The following TMEM114 variants were observed in gnomAD, a reference collection of about 807,000 sequenced individuals.
TMEM114 encodes claudin-26.
Under a neutral mutation model 6.2 loss-of-function variants are expected in TMEM114, and 6 were observed. The observed-to-expected ratio is 0.97, with a 90% CI of 0.53 to 1.91. The LOEUF (loss-of-function observed/expected upper bound fraction) is 1.91, where lower values mean the gene tolerates loss of function less well. TMEM114 is among the 40% of genes most tolerant of loss of function. The probability of loss-of-function intolerance (pLI) is 0.01; values close to 1 mark genes in which losing one functional copy is unlikely to be tolerated. For synonymous variants in TMEM114, 104 were observed against 73.0 expected (o/e 1.42, Z -2.16); for missense variants, 218 against 158.3 (o/e 1.38, Z -2.02).
intron 2 of TMEM114, among the ~76,000 whole-genome samples, chr16:8,563,765 A>ATAAG (rs1555463800): frequency 7.0e-6 from 1 of 143,772 alleles, no homozygotes; most frequent in African/African-American, 2.7e-5. Flanking sequence ...AAGTGAGGGA[A>ATAAG]TGAGTGAGTG....
chr16:8,550,408 C>T (rs193050033), intron 2 of TMEM114, among the ~76,000 whole-genome samples: 4 of 152,196 alleles, frequency 2.6e-5, no homozygotes, highest in Non-Finnish European at 5.9e-5. Flanking sequence ...TGGCCGGGTG[C>T]GGTGGCTCAC....
At chr16:8,581,599 G>T (rs537377104) in intron 2 of TMEM114, among the ~76,000 whole-genome samples, 6 of 152,106 alleles carry the variant, frequency 3.9e-5, no homozygotes, top group Non-Finnish European at 5.9e-5. Flanking sequence ...GACTACAGGC[G>T]CATGCCACCA....
At chr16:8,551,531 C>T (rs898086255) in intron 2 of TMEM114, among the ~76,000 whole-genome samples, 8 of 152,200 alleles carry the variant, frequency 5.3e-5, no homozygotes, top group Non-Finnish European at 1.2e-4. Context: ...TGGCCCCAAA[C>T]TCAACTTCCT....
At chr16:8,534,806 G>C (rs74007833), downstream of TMEM114, among the ~76,000 whole-genome samples, 25 of 152,344 alleles carry the variant, frequency 1.6e-4, no homozygotes, top group African/African-American at 6.0e-4. Context: ...TGTACTCCTA[G>C]ATACTGGCTG....
chr16:8,553,109 C>T (rs996258728), intron 2 of TMEM114, among the ~76,000 whole-genome samples: 1 of 152,214 alleles, frequency 6.6e-6, no homozygotes, highest in African/African-American at 2.4e-5. Context: ...GGCGAAGAGG[C>T]CAGGATGGAG....
chr16:8,570,966 C>A (rs4984994), intron 3 of TMEM114, among the ~76,000 whole-genome samples: 9 of 152,084 alleles, frequency 5.9e-5, no homozygotes, highest in Non-Finnish European at 1.3e-4. Flanking sequence ...GTGCTGGTTT[C>A]GAGAATTTGT....
chr16:8,532,289 C>G, the TMEM114 span, among the ~76,000 whole-genome samples: 1 of 152,176 alleles, frequency 6.6e-6, no homozygotes, highest in African/African-American at 2.4e-5. Context: ...TTAATTTTCA[C>G]TCTGCCTCTA....
intron 2 of TMEM114, among the ~76,000 whole-genome samples, chr16:8,543,566 G>A (rs1284181434): frequency 4.6e-5 from 7 of 151,960 alleles, no homozygotes; most frequent in South Asian, 2.1e-4. Context: ...AACATCATCT[G>A]GCCAACCCAA....
At chr16:8,570,781 G>C (rs1007792564) in intron 3 of TMEM114, among the ~76,000 whole-genome samples, 2 of 152,118 alleles carry the variant, frequency 1.3e-5, no homozygotes, top group Admixed American at 1.3e-4. Context: ...ACATGGTCCA[G>C]TACGATAGCC....
downstream of TMEM114, among the ~76,000 whole-genome samples, chr16:8,566,072 C>G (rs964185781): frequency 1.3e-5 from 2 of 152,002 alleles, no homozygotes; most frequent in Non-Finnish European, 2.9e-5. Context: ...CAGGACAGAT[C>G]GAAACAGAAT....
At chr16:8,577,434 T>G (rs1362866847) in intron 2 of TMEM114, among the ~76,000 whole-genome samples, 1 of 152,208 alleles carries the variant, frequency 6.6e-6, no homozygotes, top group Non-Finnish European at 1.5e-5. Context: ...CCAGACACTC[T>G]TACTCACCAT....
intron 2 of TMEM114, among the ~76,000 whole-genome samples, chr16:8,587,149 C>A (rs1377561716): frequency 1.3e-5 from 2 of 151,722 alleles, no homozygotes; most frequent in Non-Finnish European, 2.9e-5. Context: ...TTGCAGAGAT[C>A]CAGTTGTTCA....
At chr16:8,573,698 T>A (rs1239298889) in intron 2 of TMEM114, among the ~76,000 whole-genome samples, 1 of 152,212 alleles carries the variant, frequency 6.6e-6, no homozygotes, top group African/African-American at 2.4e-5. Flanking sequence ...TTTCCTATCC[T>A]TCAGTGCAGG....
chr16:8,526,795 T>C, the TMEM114 span: 1 of 152,200 alleles, frequency 6.6e-6, no homozygotes, highest in African/African-American at 2.4e-5. Context: ...CACACCAAAA[T>C]AATTCCCACC....
At chr16:8,542,906 C>A (rs898319715) in intron 2 of TMEM114, among the ~76,000 whole-genome samples, 2 of 152,134 alleles carry the variant, frequency 1.3e-5, no homozygotes, top group Admixed American at 1.3e-4. Flanking sequence ...GGAGATTAAT[C>A]ACAGAATAAT....
intron 3 of TMEM114, 55 bp downstream of exon 3, chr16:8,572,032 C>A: frequency 6.8e-7 from 1 of 1,475,094 alleles, no homozygotes; most frequent in East Asian, 2.5e-5. Context: ...TACACAGTAC[C>A]CATTGCCCAA....
chr16:8,561,194 C>T (rs368833791), intron 2 of TMEM114, among the ~76,000 whole-genome samples: 124 of 152,326 alleles, frequency 8.1e-4, no homozygotes, highest in African/African-American at 2.7e-3. Flanking sequence ...TCAGTCTACT[C>T]CTGTCTGTCC....
chr16:8,568,098 C>T (rs538218463), downstream of TMEM114, among the ~76,000 whole-genome samples: 1 of 152,150 alleles, frequency 6.6e-6, no homozygotes, highest in Non-Finnish European at 1.5e-5. Flanking sequence ...AGTTGCGTCC[C>T]TTTCTCTCCT....
chr16:8,535,526 CT>C (rs1185674724), downstream of TMEM114, among the ~76,000 whole-genome samples: 2 of 151,944 alleles, frequency 1.3e-5, no homozygotes, highest in African/African-American at 2.4e-5. Flanking sequence ...CAGTTTATTA[CT>C]TTTTTAATAC....
Sources: gnomAD v4.1 joint callset for allele counts (sites outside exome capture counted in the v4.1 genomes callset) on GRCh38, gnomAD v4.1.1 for gene constraint, MANE v1.5 for transcripts, NCBI Gene and HGNC (gene_info 2026-07-23, HGNC 2026-07-21) for gene names.